Variants in GATAD2A observed in about 807,000 individuals in gnomAD.
GATAD2A encodes GATA zinc finger domain containing 2A, also known as transcriptional repressor p66-alpha.
GATAD2A carries 12 observed loss-of-function variants against 68.5 expected under a neutral mutation model. The ratio of observed to expected loss-of-function variants is 0.18; its 90% confidence interval spans 0.11 to 0.28. GATAD2A has a LOEUF of 0.28. Among genes scored for constraint, GATAD2A ranks in the 10% least tolerant of loss-of-function variants. The probability of loss-of-function intolerance (pLI) is 1.00; values close to 1 mark genes in which losing one functional copy is unlikely to be tolerated. For synonymous variants in GATAD2A, 410 were observed against 375.3 expected (o/e 1.09, Z -1.07); for missense variants, 755 against 868.5 (o/e 0.87, Z 1.64).
At chr19:19,494,202 C>T in intron 4 of GATAD2A, 92 bp from the exon 5 acceptor site, 1 of 664,776 alleles carries the variant, frequency 1.5e-6, no homozygotes. Flanking sequence ...GACAGTCAGT[C>T]CTCTTCGGCA....
At chr19:19,395,156 AC>A (rs1460465627) in intron 1 of GATAD2A, among the ~76,000 whole-genome samples, 1 of 152,172 alleles carries the variant, frequency 6.6e-6, no homozygotes, top group African/African-American at 2.4e-5. Flanking sequence ...CAAGTTGAGC[AC>A]AGAAAATACG....
At chr19:19,425,069 A>G (rs1192367910) in intron 1 of GATAD2A, among the ~76,000 whole-genome samples, 2 of 152,106 alleles carry the variant, frequency 1.3e-5, no homozygotes, top group African/African-American at 4.8e-5. Context: ...AACAATAAAA[A>G]AAAAAAAAAA....
chr19:19,442,585 G>A (rs2055221534), intron 1 of GATAD2A, among the ~76,000 whole-genome samples: 1 of 152,010 alleles, frequency 6.6e-6, no homozygotes, highest in Non-Finnish European at 1.5e-5. Flanking sequence ...CCAAGATCGC[G>A]CCACTGCACT....
chr19:19,440,215 A>G (rs780753592), intron 1 of GATAD2A: 7 of 334,276 alleles, frequency 2.1e-5, no homozygotes, highest in Non-Finnish European at 3.6e-5. Context: ...CACTTATCTA[A>G]GGAAAGGTGG....
chr19:19,396,868 A>G (rs1161474520), intron 1 of GATAD2A, among the ~76,000 whole-genome samples: 1 of 151,904 alleles, frequency 6.6e-6, no homozygotes, highest in Non-Finnish European at 1.5e-5. Flanking sequence ...GCCACCATGC[A>G]GGGCTAATTT....
At chr19:19,403,815 C>A (rs944028677), upstream of GATAD2A, among the ~76,000 whole-genome samples, 4 of 152,188 alleles carry the variant, frequency 2.6e-5, no homozygotes, top group Non-Finnish European at 5.9e-5. Flanking sequence ...TATACAGCCA[C>A]CATGTTAGGG....
Position 19,492,402 on chromosome 19 carries a change from G to C in GATAD2A, c.366G>C (p.Thr122=). ...PSSPRVNGLT[T]VALKETSTEA... ...GCCCGAGAGTGAATGGGCTGACCAC[G>C]GTGGCCTTGAAGGAGACTAGCACCG... Residue 122 remains threonine, a synonymous_variant, in exon 3 of 12, where the codon ACG becomes ACC. Coordinates refer to ENST00000683918, the MANE Select transcript of GATAD2A (RefSeq NM_001384528.1). 6.2e-7 allele frequency: 1 copy of C among 1,613,802 alleles called. No individual in the cohort carries two copies. Among genetic ancestry groups the C allele is most frequent in the Non-Finnish European group, 8.5e-7 (1 of 1,179,848 alleles).
At chr19:19,471,389 C>G (rs574206108) in intron 2 of GATAD2A, among the ~76,000 whole-genome samples, 1 of 152,184 alleles carries the variant, frequency 6.6e-6, no homozygotes, top group African/African-American at 2.4e-5. Flanking sequence ...CTCAGACTTG[C>G]CACGCTAAGG....
chr19:19,398,019 T>C (rs1448379825), intron 1 of GATAD2A, among the ~76,000 whole-genome samples: 1 of 151,980 alleles, frequency 6.6e-6, no homozygotes, highest in African/African-American at 2.4e-5. Flanking sequence ...TTTTCCTGCC[T>C]CAGCTTCCTG....
chr19:19,503,900 T>C (rs2144527759), intron 11 of GATAD2A, among the ~76,000 whole-genome samples: 1 of 152,240 alleles, frequency 6.6e-6, no homozygotes, highest in Non-Finnish European at 1.5e-5. Flanking sequence ...CAAAATGTAT[T>C]AGCCACCACT....
chr19:19,501,011 C>G, intron 8 of GATAD2A, 107 bp from the exon 9 acceptor site: 1 of 984,396 alleles, frequency 1.0e-6, no homozygotes, highest in Admixed American at 2.3e-5. Context: ...ATTTGCAGAA[C>G]GGACAGACTG....
chr19:19,504,522 T>TC, intron 11 of GATAD2A, among the ~76,000 whole-genome samples: 1 of 152,202 alleles, frequency 6.6e-6, no homozygotes, highest in Non-Finnish European at 1.5e-5. Context: ...GCACAGTGGC[T>TC]CGTGCCTATA....
At chr19:19,486,739 G>A (rs934435756) in intron 2 of GATAD2A, among the ~76,000 whole-genome samples, 1 of 152,194 alleles carries the variant, frequency 6.6e-6, no homozygotes, top group African/African-American at 2.4e-5. Flanking sequence ...CAGATCAGCA[G>A]GGCTGCCTGA....
chr19:19,484,330 G>A (rs1320429072), intron 2 of GATAD2A, among the ~76,000 whole-genome samples: 1 of 151,938 alleles, frequency 6.6e-6, no homozygotes, highest in East Asian at 1.9e-4. Flanking sequence ...CAGCAGCTTG[G>A]GAGGCTAAGA....
At chr19:19,400,708 C>T (rs2049647219), upstream of GATAD2A, among the ~76,000 whole-genome samples, 1 of 152,044 alleles carries the variant, frequency 6.6e-6, no homozygotes, top group South Asian at 2.1e-4. Flanking sequence ...CCTTTCCCAG[C>T]CAATTGCATT....
At chr19:19,471,252 C>CAAAAAA (rs536811641) in intron 2 of GATAD2A, among the ~76,000 whole-genome samples, 1 of 105,484 alleles carries the variant, frequency 9.5e-6, no homozygotes, top group African/African-American at 3.2e-5. Context: ...AAGACTGTCT[C>CAAAAAA]AAAAAAAAAA....
rs2048454984 is a variant in GATAD2A at position 19,386,713 on chromosome 19, C to T, written c.-7+575C>T. 2.0e-5 allele frequency among the ~76,000 whole-genome samples: 3 copies of T among 152,172 alleles called. No individual in the cohort carries two copies. In the South Asian group the frequency reaches 6.2e-4, roughly 32 times the overall value. On this transcript the variant is annotated intron_variant, in intron 1 of 11. Transcript: ENST00000360315. ...CCTGTCTCTCTAGGCGACCCTGCTT[C>T]TCTGAGGGGACAACCCCTCTTATCA...
chr19:19,412,495 G>A (rs1185315336), intron 1 of GATAD2A, among the ~76,000 whole-genome samples: 4 of 151,940 alleles, frequency 2.6e-5, no homozygotes, highest in Non-Finnish European at 4.4e-5. Context: ...AGCCAGGTGT[G>A]GTGGCATGCA....
chr19:19,476,465 C>T (rs1029085698), intron 2 of GATAD2A, among the ~76,000 whole-genome samples: 2 of 152,200 alleles, frequency 1.3e-5, no homozygotes, highest in African/African-American at 4.8e-5. Flanking sequence ...AGGGACAAGA[C>T]GGGGAGGGTG....
Sources: gnomAD v4.1 joint callset for allele counts (sites outside exome capture counted in the v4.1 genomes callset) on GRCh38, gnomAD v4.1.1 for gene constraint, MANE v1.5 for transcripts, NCBI Gene and HGNC (gene_info 2026-07-23, HGNC 2026-07-21) for gene names.